DPYD: variants seen among roughly 807,000 people sequenced by gnomAD.
DPYD encodes dihydropyrimidine dehydrogenase [NADP(+)].
A neutral mutation model predicts 116.2 loss-of-function variants in DPYD; 109 were observed. That is an observed-to-expected ratio of 0.94 (90% CI 0.80 to 1.10). DPYD has a LOEUF of 1.10. Among genes scored for constraint, DPYD ranks in the 50% least tolerant of loss-of-function variants. The pLI, the probability that DPYD is intolerant of heterozygous loss-of-function variation, is 0.00. For missense variants in DPYD, 1,302 were observed against 1,254.5 expected, an observed-to-expected ratio of 1.04 and a Z score of -0.57; for synonymous variants, 440 against 432.0, an observed-to-expected ratio of 1.02 and a Z score of -0.23.
intron 16 of DPYD, among the ~76,000 whole-genome samples, chr1:97,355,984 T>C (rs1670408624): frequency 6.6e-6 from 1 of 152,200 alleles, no homozygotes; most frequent in African/African-American, 2.4e-5. Flanking sequence ...AATTCTACTT[T>C]TGGTTTTTCG....
At chr1:97,528,405 T>C (rs1165945960) in intron 12 of DPYD, among the ~76,000 whole-genome samples, 1 of 152,152 alleles carries the variant, frequency 6.6e-6, no homozygotes, top group East Asian at 1.9e-4. Context: ...AATCTGAGCA[T>C]AAAATAAGAC....
At chr1:97,699,270 T>G in intron 6 of DPYD, 81 bp downstream of exon 6, 1 of 1,396,336 alleles carries the variant, frequency 7.2e-7, no homozygotes, top group East Asian at 2.3e-5. Flanking sequence ...AGTTCCTATA[T>G]GATTATGAAC....
chr1:97,315,413 A>G (rs1478612488), intron 16 of DPYD, among the ~76,000 whole-genome samples: 2 of 151,864 alleles, frequency 1.3e-5, no homozygotes, highest in African/African-American at 4.8e-5. Flanking sequence ...GCTAGCAAAG[A>G]CTTTTCTTGT....
At chr1:97,290,192 A>G (rs1208956029) in intron 18 of DPYD, among the ~76,000 whole-genome samples, 1 of 152,196 alleles carries the variant, frequency 6.6e-6, no homozygotes, top group East Asian at 1.9e-4. Flanking sequence ...ATTAAAGAGG[A>G]TACAAGTGGA....
chr1:97,521,955 C>A (rs926790546), intron 12 of DPYD, among the ~76,000 whole-genome samples: 1 of 152,052 alleles, frequency 6.6e-6, no homozygotes, highest in Non-Finnish European at 1.5e-5. Flanking sequence ...CCATAAAAAC[C>A]CTAGAAGAAA....
intron 4 of DPYD, among the ~76,000 whole-genome samples, chr1:97,729,634 A>G (rs1337338058): frequency 1.3e-5 from 2 of 152,114 alleles, no homozygotes; most frequent in Non-Finnish European, 1.5e-5. Flanking sequence ...AATCTACCAA[A>G]CCATAAAATA....
intron 8 of DPYD, among the ~76,000 whole-genome samples, chr1:97,596,593 A>T (rs1654901566): frequency 6.6e-6 from 1 of 152,176 alleles, no homozygotes; most frequent in African/African-American, 2.4e-5. Context: ...GTCATTCTAG[A>T]GAGGCAGGAG....
intron 14 of DPYD, among the ~76,000 whole-genome samples, chr1:97,399,164 T>G (rs1304702956): frequency 6.6e-6 from 1 of 152,246 alleles, no homozygotes; most frequent in Non-Finnish European, 1.5e-5. Flanking sequence ...TTTCTACATA[T>G]GGCTAGCCAG....
At chr1:97,222,831 T>C (rs1209144108) in intron 19 of DPYD, among the ~76,000 whole-genome samples, 1 of 152,116 alleles carries the variant, frequency 6.6e-6, no homozygotes, top group Non-Finnish European at 1.5e-5. Context: ...TAACCAGTTA[T>C]GTGAAATAGT....
At chr1:97,839,519 C>T (rs981080736) in intron 2 of DPYD, among the ~76,000 whole-genome samples, 1 of 151,590 alleles carries the variant, frequency 6.6e-6, no homozygotes, top group African/African-American at 2.4e-5. Flanking sequence ...TGTGTGTGTA[C>T]CACAAACAGG....
intron 20 of DPYD, among the ~76,000 whole-genome samples, chr1:97,168,195 C>T (rs1386954107): frequency 4.6e-5 from 7 of 152,208 alleles, no homozygotes; most frequent in Admixed American, 4.6e-4. Flanking sequence ...ATGAGGCTTT[C>T]TAGCTCTGTG....
intron 8 of DPYD, among the ~76,000 whole-genome samples, chr1:97,635,127 A>C (rs549574699): frequency 3.3e-5 from 5 of 152,164 alleles, no homozygotes; most frequent in African/African-American, 1.2e-4. Flanking sequence ...GGCCCAGGCT[A>C]GCTTGATCCT....
At chr1:97,853,410 A>G (rs1459878413) in intron 2 of DPYD, among the ~76,000 whole-genome samples, 1 of 152,194 alleles carries the variant, frequency 6.6e-6, no homozygotes, top group Non-Finnish European at 1.5e-5. Context: ...CTCTGATAAA[A>G]ACAATTAAGC....
At chr1:97,323,826 C>T (rs192904917) in intron 16 of DPYD, among the ~76,000 whole-genome samples, 7 of 151,336 alleles carry the variant, frequency 4.6e-5, no homozygotes, top group African/African-American at 1.7e-4. Context: ...ATTTGACTTC[C>T]CTTCCTATTT....
At chr1:97,200,100 T>A (rs74104309) in intron 19 of DPYD, among the ~76,000 whole-genome samples, 4,731 of 152,278 alleles carry the variant, frequency 0.031, 238 homozygotes, top group African/African-American at 0.11. Context: ...CACATGCTTT[T>A]GTGTAATCAA....
intron 8 of DPYD, among the ~76,000 whole-genome samples, chr1:97,642,393 T>C (rs1041174676): frequency 6.6e-6 from 1 of 151,714 alleles, no homozygotes; most frequent in Non-Finnish European, 1.5e-5. Flanking sequence ...CCAACACAGA[T>C]ATATAGACCA....
At chr1:97,686,375 G>A (rs527517179) in intron 7 of DPYD, among the ~76,000 whole-genome samples, 10 of 152,042 alleles carry the variant, frequency 6.6e-5, no homozygotes, top group South Asian at 2.1e-4. Flanking sequence ...GGTGGCTCAC[G>A]CCTGTAATCC....
At chr1:97,471,019 T>C (rs904824341) in intron 13 of DPYD, among the ~76,000 whole-genome samples, 10 of 152,046 alleles carry the variant, frequency 6.6e-5, no homozygotes, top group Non-Finnish European at 1.2e-4. Context: ...GAATTAGTTA[T>C]CCACACTGCT....
At chr1:97,688,148 T>G (rs2100940732) in intron 7 of DPYD, among the ~76,000 whole-genome samples, 1 of 152,080 alleles carries the variant, frequency 6.6e-6, no homozygotes, top group South Asian at 2.1e-4. Flanking sequence ...AAAATAAAAC[T>G]AAATTTAAAA....
Sources: allele counts gnomAD v4.1 joint callset (sites outside exome capture counted in the v4.1 genomes callset), GRCh38; gene constraint gnomAD v4.1.1; transcripts MANE v1.5; gene names NCBI Gene and HGNC (gene_info 2026-07-23, HGNC 2026-07-21).